The following PDE1C variants were observed in gnomAD, a reference collection of about 807,000 sequenced individuals.
PDE1C encodes dual specificity calcium/calmodulin-dependent 3',5'-cyclic nucleotide phosphodiesterase 1C.
PDE1C carries 62 observed loss-of-function variants against 93.1 expected under a neutral mutation model. That is an observed-to-expected ratio of 0.67 (90% CI 0.54 to 0.82). The LOEUF (loss-of-function observed/expected upper bound fraction) is 0.82, where lower values mean the gene tolerates loss of function less well. Among genes scored for constraint, PDE1C ranks in the 40% least tolerant of loss-of-function variants. The probability of loss-of-function intolerance (pLI) is 0.00; values close to 1 mark genes in which losing one functional copy is unlikely to be tolerated. For missense variants in PDE1C, 742 were observed against 884.6 expected (o/e 0.84, Z 2.04); for synonymous variants, 325 against 310.1 (o/e 1.05, Z -0.50).
the PDE1C span, among the ~76,000 whole-genome samples, chr7:31,683,307 C>T: frequency 6.6e-6 from 1 of 152,240 alleles, no homozygotes; most frequent in Admixed American, 6.5e-5. Context: ...ACAATTATCT[C>T]AATTAAAATG....
chr7:32,059,233 G>T (rs892231130), intron 1 of PDE1C, among the ~76,000 whole-genome samples: 4 of 152,180 alleles, frequency 2.6e-5, no homozygotes, highest in African/African-American at 9.7e-5. Flanking sequence ...GTGGTTTGGG[G>T]GTGGGGATGG....
intron 2 of PDE1C, among the ~76,000 whole-genome samples, chr7:32,047,054 C>T (rs202187828): frequency 3.6e-4 from 29 of 80,716 alleles, no homozygotes; most frequent in African/African-American, 4.6e-4. Flanking sequence ...TGTGTGTGTG[C>T]GAGACAGAGT....
At chr7:31,812,616 G>A (rs887896112) in intron 15 of PDE1C, among the ~76,000 whole-genome samples, 4 of 152,078 alleles carry the variant, frequency 2.6e-5, no homozygotes, top group African/African-American at 9.7e-5. Flanking sequence ...AAGTTTTATT[G>A]GAAAACAGGA....
At chr7:32,331,669 A>T (rs1364535160) in intron 1 of PDE1C, among the ~76,000 whole-genome samples, 1 of 152,142 alleles carries the variant, frequency 6.6e-6, no homozygotes, top group East Asian at 1.9e-4. Context: ...AAGTGGGGCG[A>T]TGTGATCCAA....
chr7:31,952,018 C>T (rs1807443758), intron 2 of PDE1C, among the ~76,000 whole-genome samples: 1 of 152,160 alleles, frequency 6.6e-6, no homozygotes, highest in Admixed American at 6.5e-5. Context: ...GTACTAAGTA[C>T]TTTCCTTACA....
Position 32,360,369 on chromosome 7 carries a change from G to C in PDE1C, c.310+67453C>G, listed in dbSNP as rs184295914. 7.0e-3 allele frequency among the ~76,000 whole-genome samples: 1,068 copies of C among 152,362 alleles called. 15 individuals are homozygous for C. The highest frequency in any genetic ancestry group is 0.025 in the African/African-American group (1,022 of 41,572). On this transcript the variant is annotated intron_variant, in intron 1 of 1. Transcript: ENST00000672256. Reference sequence around the variant, plus strand: ...CAAAGATGGTAGTGAGAGATATCCAGTGGTTGTGAGAGGACAAAACACAAG... The same window carrying C: ...CAAAGATGGTAGTGAGAGATATCCACTGGTTGTGAGAGGACAAAACACAAG...
At chr7:31,897,048 A>C (rs1799400997) in intron 2 of PDE1C, among the ~76,000 whole-genome samples, 1 of 152,194 alleles carries the variant, frequency 6.6e-6, no homozygotes, top group Admixed American at 6.5e-5. Flanking sequence ...AGCTTTTTAC[A>C]CTGATGTGCG....
rs1311263817 is a variant in PDE1C at position 31,816,104 on chromosome 7, C to T, written c.1633G>A (p.Glu545Lys). The change falls in exon 15 of 18, where the codon GAG becomes AAG. Residue 545 changes from glutamate (E) to lysine (K), a missense_variant. This residue lies in a region of PDE1C where 454 missense variants were observed against 459.4 expected (regional missense o/e 0.99). Transcript: ENST00000396191. ...TTGGCTTCCATTTCCTTTTGCTGCT[C>T]CTCTGCGGCCAGGCGAGCCTTTTCC... ...AEEKARLAAEEQQKEMEAKSQ... is the reference protein window; with the variant it reads ...AEEKARLAAEKQQKEMEAKSQ... 1.2e-6 allele frequency: 2 copies of T among 1,613,870 alleles called. No homozygotes were observed. The highest frequency in any genetic ancestry group is 1.7e-6 in the Non-Finnish European group (2 of 1,179,942).
chr7:31,956,300 G>T (rs1333678009), intron 2 of PDE1C, among the ~76,000 whole-genome samples: 1 of 151,938 alleles, frequency 6.6e-6, no homozygotes, highest in Non-Finnish European at 1.5e-5. Flanking sequence ...CACCATGTTG[G>T]CCAGGATGGT....
chr7:32,195,594 G>A (rs567038640), intron 2 of PDE1C, among the ~76,000 whole-genome samples: 1 of 152,302 alleles, frequency 6.6e-6, no homozygotes, highest in African/African-American at 2.4e-5. Flanking sequence ...GCTTATGCCT[G>A]TAATCCCAGC....
At chr7:31,675,661 A>G in the PDE1C span, among the ~76,000 whole-genome samples, 1 of 152,140 alleles carries the variant, frequency 6.6e-6, no homozygotes, top group African/African-American at 2.4e-5. Context: ...CAGAATACCA[A>G]CAATATAATT....
intron 1 of PDE1C, among the ~76,000 whole-genome samples, chr7:32,359,531 G>C (rs76873899): frequency 6.6e-6 from 1 of 152,158 alleles, no homozygotes; most frequent in Non-Finnish European, 1.5e-5. Flanking sequence ...ACCTACAAGA[G>C]TGCCTAGCAC....
At chr7:32,235,714 A>C (rs1479581517) in intron 1 of PDE1C, among the ~76,000 whole-genome samples, 1 of 152,094 alleles carries the variant, frequency 6.6e-6, no homozygotes, top group East Asian at 1.9e-4. Flanking sequence ...TATGGTAAAG[A>C]CATCAATTAT....
intron 2 of PDE1C, among the ~76,000 whole-genome samples, chr7:31,914,868 A>G (rs1801682702): frequency 6.6e-6 from 1 of 152,184 alleles, no homozygotes; most frequent in South Asian, 2.1e-4. Context: ...TAAAGCAATG[A>G]CAGGGTATGC....
At chr7:32,382,103 G>T (rs895908952) in intron 1 of PDE1C, among the ~76,000 whole-genome samples, 2 of 152,096 alleles carry the variant, frequency 1.3e-5, no homozygotes, top group African/African-American at 4.8e-5. Flanking sequence ...CTCACATCTG[G>T]TAGATGGCAG....
At chr7:31,881,189 C>A (rs1797207659) in intron 2 of PDE1C, among the ~76,000 whole-genome samples, 1 of 152,030 alleles carries the variant, frequency 6.6e-6, no homozygotes, top group Admixed American at 6.6e-5. Flanking sequence ...TAAAGCCTGA[C>A]CAGCAGCAAA....
intron 2 of PDE1C, among the ~76,000 whole-genome samples, chr7:31,939,166 T>C (rs1805484661): frequency 6.6e-6 from 1 of 152,134 alleles, no homozygotes. Flanking sequence ...GTTGCTATGG[T>C]TTTAAAAATT....
chr7:31,996,560 C>A (rs1784754124), intron 2 of PDE1C, among the ~76,000 whole-genome samples: 1 of 152,190 alleles, frequency 6.6e-6, no homozygotes, highest in Non-Finnish European at 1.5e-5. Flanking sequence ...ACAAGACAGA[C>A]ACATGGAAGC....
chr7:31,842,524 A>G (rs533593402), intron 9 of PDE1C, among the ~76,000 whole-genome samples: 1 of 152,140 alleles, frequency 6.6e-6, no homozygotes, highest in South Asian at 2.1e-4. Flanking sequence ...GGTAAGTTGT[A>G]TTTTGCAAGG....
Sources: gnomAD v4.1 joint callset for allele counts (sites outside exome capture counted in the v4.1 genomes callset) on GRCh38, gnomAD v4.1.1 for gene constraint, gnomAD v4.1.1 regional missense constraint, MANE v1.5 for transcripts, NCBI Gene and HGNC (gene_info 2026-07-23, HGNC 2026-07-21) for gene names.